The following LYST variants were observed in gnomAD, a reference collection of about 807,000 sequenced individuals.
The protein encoded by LYST is lysosomal trafficking regulator.
Under a neutral mutation model 413.6 loss-of-function variants are expected in LYST, and 192 were observed. That is an observed-to-expected ratio of 0.46 (90% CI 0.41 to 0.52). LYST has a LOEUF of 0.52. Ranked by LOEUF, LYST falls within the 20% of genes least tolerant of loss-of-function variation. The pLI is 0.00. For synonymous variants in LYST, 1,525 were observed against 1,567.3 expected (o/e 0.97, Z 0.64); for missense variants, 3,815 against 4,499.9 (o/e 0.85, Z 4.35).
chr1:235,765,277 C>T (rs1318576818), intron 21 of LYST, among the ~76,000 whole-genome samples: 1 of 152,206 alleles, frequency 6.6e-6, no homozygotes, highest in Non-Finnish European at 1.5e-5. Flanking sequence ...CTTCCCACTT[C>T]TCAATTTATC....
intron 43 of LYST, among the ~76,000 whole-genome samples, chr1:235,711,149 G>A (rs1297232148): frequency 6.6e-6 from 1 of 152,156 alleles, no homozygotes; most frequent in African/African-American, 2.4e-5. Flanking sequence ...ATTAAGTGTT[G>A]AGATTATTTG....
intron 31 of LYST, chr1:235,737,916 A>ACAATGGAG: frequency 8.6e-7 from 1 of 1,163,406 alleles, no homozygotes; most frequent in Non-Finnish European, 1.1e-6. Flanking sequence ...GCTGCCGACG[A>ACAATGGAG]GTCTGGATCT....
intron 41 of LYST, 21 bp from the exon 42 acceptor site, chr1:235,715,378 A>G: frequency 6.2e-7 from 1 of 1,612,780 alleles, no homozygotes; most frequent in Non-Finnish European, 8.5e-7. Flanking sequence ...CGGTGAATCC[A>G]GAGAATTCAT....
intron 3 of LYST, chr1:235,827,703 A>G: frequency 1.0e-6 from 1 of 982,926 alleles, no homozygotes; most frequent in Non-Finnish European, 1.2e-6. Context: ...TGCTACAGAT[A>G]TTCCAAAAAG....
At position 235,791,596 on chromosome 1, in the gene LYST, C is replaced by T. The variant is rs1021484791; in HGVS notation, c.4543+103G>A. ...TAAGTAAGGCATTTAAGGTGAAGAA[C>T]ATGTTAAGAGTGTTAAGAACACTAC... On this transcript the variant is annotated intron_variant, in intron 12 of 52. Coordinates refer to ENST00000389793, the MANE Select transcript of LYST (RefSeq NM_000081.4). 1.1e-5 allele frequency: 10 copies of T among 939,444 alleles called. No individual in the cohort carries two copies. In the African/African-American group the frequency reaches 1.6e-4, roughly 15 times the overall value. The allele number at this position is 939,444 out of a possible 1,614,324, so 58.2% of individuals were successfully genotyped here. A position where few individuals can be genotyped will look rare whatever the true frequency, so the allele number is the denominator to read the frequency against.
chr1:235,801,113 C>A lies in LYST; in HGVS notation c.3713-16G>T. ...AAGTCTACCCCTGAAAAGAGAAAAG[C>A]GAAAGATTACTTGTATTCCCTAAAC... On this transcript the variant is annotated splice_polypyrimidine_tract_variant and intron_variant, in intron 8 of 52. Transcript: ENST00000389793. 1.4e-6 allele frequency: 2 copies of A among 1,446,976 alleles called. No individual in the cohort carries two copies. The highest frequency in any genetic ancestry group is 1.9e-6 in the Non-Finnish European group (2 of 1,029,316). 89.6% of individuals were successfully genotyped at this position (1,446,976 alleles called of 1,614,324 possible). A position where few individuals can be genotyped will look rare whatever the true frequency, so the allele number is the denominator to read the frequency against.
At chr1:235,789,631 T>C (rs1236853663) in intron 12 of LYST, among the ~76,000 whole-genome samples, 4 of 152,200 alleles carry the variant, frequency 2.6e-5, no homozygotes, top group East Asian at 1.9e-4. Flanking sequence ...TACATATTAG[T>C]TGCTATTTTT....
At chr1:235,875,773 G>A (rs1203856374) in intron 1 of LYST, among the ~76,000 whole-genome samples, 1 of 152,122 alleles carries the variant, frequency 6.6e-6, no homozygotes, top group Non-Finnish European at 1.5e-5. Flanking sequence ...GAGCCCAGGA[G>A]TTTGAGGCTT....
intron 41 of LYST, 142 bp downstream of exon 41, chr1:235,716,570 A>C (rs573548349): frequency 1.7e-6 from 1 of 598,754 alleles, no homozygotes; most frequent in Non-Finnish European, 3.0e-6. Flanking sequence ...TTCATTTCAC[A>C]TAATGATTTC....
intron 3 of LYST, among the ~76,000 whole-genome samples, chr1:235,826,917 A>T (rs182306435): frequency 7.2e-4 from 109 of 152,066 alleles, no homozygotes; most frequent in Non-Finnish European, 1.4e-3. Context: ...TCCAGGCCTC[A>T]AGTAATCCAT....
chr1:235,682,206 A>G (rs189288908), intron 48 of LYST, among the ~76,000 whole-genome samples: 125 of 152,108 alleles, frequency 8.2e-4, no homozygotes, highest in Admixed American at 5.8e-3. Flanking sequence ...AGCTATTGGT[A>G]GGGGGTCGGG....
chr1:235,715,661 G>GAGCCAT (rs1558145126), intron 41 of LYST, among the ~76,000 whole-genome samples: 1 of 152,074 alleles, frequency 6.6e-6, no homozygotes, highest in Non-Finnish European at 1.5e-5. Context: ...GGCTCATAAT[G>GAGCCAT]TCTAAGCTGA....
rs1419474871 is a variant in LYST, at chr1:235,780,611, ATAAAC to A, written c.5214+249_5214+253del. ...TTCCTGAATAATTAGTAGGTATAAA[ATAAAC>A]TAAACTGATAAACTTTTTATAGAAA... On this transcript the variant is annotated intron_variant, in intron 16 of 52. Coordinates refer to ENST00000389793, the MANE Select transcript of LYST (RefSeq NM_000081.4). 5.3e-5 allele frequency among the ~76,000 whole-genome samples: 8 copies of A among 152,166 alleles called. 1 individual carries two copies. In the East Asian group the frequency reaches 5.8e-4, roughly 11 times the overall value.
intron 31 of LYST, chr1:235,734,978 T>C (rs780343003): frequency 1.7e-5 from 3 of 177,918 alleles, no homozygotes; most frequent in Non-Finnish European, 3.6e-5. Context: ...AGAAATGATG[T>C]CAATATAATA....
intron 48 of LYST, among the ~76,000 whole-genome samples, chr1:235,679,497 C>A (rs1033409793): frequency 4.6e-5 from 7 of 152,126 alleles, no homozygotes; most frequent in African/African-American, 1.7e-4. Flanking sequence ...TTTATTATAA[C>A]TTTTAACTTT....
At chr1:235,791,015 G>A (rs939861445) in intron 12 of LYST, among the ~76,000 whole-genome samples, 19 of 152,184 alleles carry the variant, frequency 1.2e-4, no homozygotes, top group Admixed American at 2.6e-4. Flanking sequence ...CGGGTGTGGT[G>A]GCTCACACCT....
chr1:235,729,684 T>C (rs1319260930), intron 36 of LYST, 27 bp from the exon 37 acceptor site: 1 of 1,513,060 alleles, frequency 6.6e-7, no homozygotes, highest in Admixed American at 1.7e-5. Flanking sequence ...AAAATTACTA[T>C]GACTAAATGT....
intron 1 of LYST, among the ~76,000 whole-genome samples, chr1:235,853,854 G>A (rs1678847683): frequency 6.6e-6 from 1 of 152,082 alleles, no homozygotes; most frequent in Non-Finnish European, 1.5e-5. Flanking sequence ...CTTTCAACAG[G>A]TAGTTCATTT....
chr1:235,771,304 T>C (rs533088206), intron 19 of LYST, among the ~76,000 whole-genome samples: 2 of 152,252 alleles, frequency 1.3e-5, no homozygotes, highest in African/African-American at 4.8e-5. Flanking sequence ...CAAATATAAT[T>C]AATTACGTAA....
Sources: gnomAD v4.1 joint callset for allele counts (sites outside exome capture counted in the v4.1 genomes callset) on GRCh38, gnomAD v4.1.1 for gene constraint, MANE v1.5 for transcripts, NCBI Gene and HGNC (gene_info 2026-07-23, HGNC 2026-07-21) for gene names.